The following LARGE2 variants were observed in gnomAD, a reference collection of about 807,000 sequenced individuals.
LARGE2 encodes LARGE xylosyl- and glucuronyltransferase 2.
LARGE2 carries 63 observed loss-of-function variants against 75.3 expected under a neutral mutation model. The observed-to-expected ratio is 0.84, with a 90% CI of 0.68 to 1.03. The LOEUF (loss-of-function observed/expected upper bound fraction) is 1.03, where lower values mean the gene tolerates loss of function less well. Among genes scored for constraint, LARGE2 ranks in the 50% least tolerant of loss-of-function variants. The pLI is 0.00. For missense variants in LARGE2, 925 were observed against 980.6 expected, an observed-to-expected ratio of 0.94 and a Z score of 0.76; for synonymous variants, 428 against 420.1, an observed-to-expected ratio of 1.02 and a Z score of -0.23.
At position 45,926,323 on chromosome 11, in the gene LARGE2, C is replaced by T; in HGVS notation, c.984C>T (p.Cys328=). Reference sequence around the variant, plus strand: ...CAGATCACACACTGGCCGAGCGCTGCTACTCTGAGGCGTCTGACCTCAAGG... The same window carrying T: ...CAGATCACACACTGGCCGAGCGCTGTTACTCTGAGGCGTCTGACCTCAAGG... The part of the protein sequence containing the change: ...QLSDHTLAER[C]YSEASDLKVI... Residue 328 remains cysteine (C), a synonymous_variant, in exon 8 of 14, where the codon TGC becomes TGT. Coordinates refer to ENST00000401752, the MANE Select transcript of LARGE2 (RefSeq NM_001300721.2). 2 of 1,614,208 alleles carry T rather than the reference C, an allele frequency of 1.2e-6. No individual in the cohort carries two copies. The highest frequency in any genetic ancestry group is 8.5e-7 in the Non-Finnish European group (1 of 1,180,034).
chr11:45,923,029 C>T lies in LARGE2; in HGVS notation c.147C>T (p.Pro49=). The T allele has an allele frequency of 2.1e-6, 3 of 1,396,592 alleles. No homozygotes were observed. Among genetic ancestry groups the T allele is most frequent in the South Asian group, 1.6e-5 (1 of 64,490 alleles). 86.5% of individuals were successfully genotyped at this position (1,396,592 alleles called of 1,614,324 possible). Residue 49 remains proline (P), a synonymous_variant, in exon 2 of 14, where the codon CCC becomes CCT. Coordinates refer to ENST00000401752, the MANE Select transcript of LARGE2 (RefSeq NM_001300721.2). ...GAGCGGGGGCCCCGGGATGCTTCCC[C>T]GGCCCGCTCATGCCACGTGTCCCCC... ...GGRAGAPGCF[P]GPLMPRVPPD... is the part of the protein sequence containing the mutation.
upstream of LARGE2, chr11:45,922,636 C>T (rs2086957302): frequency 2.0e-5 from 6 of 296,242 alleles, no homozygotes; most frequent in Admixed American, 1.4e-4. Flanking sequence ...GAGCCCAGGT[C>T]GGGGGCGGGA....
rs764578079 is a variant in LARGE2, at chr11:45,928,026, G to C, written c.1711G>C (p.Glu571Gln). Reference protein sequence around the residue: ...YRFSFPHSKVELLALLDAGTL... With the variant: ...YRFSFPHSKVQLLALLDAGTL... The stretch of plus-strand genomic sequence containing the variant: ...CTTCAGCTTCCCCCATTCCAAGGTG[G>C]AGCTGTTGGCCTTGCTGGATGCGGG... Residue 571 changes from glutamate to glutamine, a missense_variant, in exon 12 of 14, where the codon GAG (glutamate) becomes CAG (glutamine). Glu to Gln is a conservative substitution (Grantham distance 29, BLOSUM62 2). Transcript: ENST00000401752. 63 of 1,613,846 alleles carry C rather than the reference G, an allele frequency of 3.9e-5. No homozygotes were observed. The South Asian group carries it at 6.9e-4, about 18-fold the overall frequency.
rs1279565063 is a variant in LARGE2 at position 45,924,799 on chromosome 11, G to A, written c.679G>A (p.Gly227Ser). 2.0e-6 allele frequency: 3 copies of A among 1,508,408 alleles called. No homozygotes were observed. The highest frequency in any genetic ancestry group is 1.8e-6 in the Non-Finnish European group (2 of 1,125,930). The allele number at this position is 1,508,408 out of a possible 1,614,324, so 93.4% of individuals were successfully genotyped here. ...FAHFSDTQAI[G>S]LVENQSDWYL... is the part of the protein sequence containing the mutation. ...TCCCCTCCCAGACACGCAGGCGATC[G>A]GTCTTGTGGAGAACCAGAGTGACTG... Residue 227 changes from glycine (G) to serine (S), a missense_variant, in exon 6 of 14, where the codon GGT becomes AGT. By Grantham distance (56) the Gly-to-Ser change is moderately conservative (BLOSUM62 0). Coordinates refer to ENST00000401752, the MANE Select transcript of LARGE2 (RefSeq NM_001300721.2).
In LARGE2 at chr11:45,928,826, A is replaced by G; in HGVS notation, c.2147A>G (p.Gln716Arg). Residue 716 changes from glutamine (Q) to arginine (R), a missense_variant, in exon 14 of 14, where the codon CAG becomes CGG. Around this residue, in one of 3 missense-constraint regions of LARGE2, gnomAD observed 469 missense variants for 503.8 expected, o/e 0.93. Transcript: ENST00000401752. ...LKYLPALQQP[Q>R]SPARG Reference sequence around the variant, plus strand: ...TACCTCCCAGCCCTGCAGCAGCCCCAGAGCCCTGCCCGAGGCTGAGGCTGG... The same window carrying G: ...TACCTCCCAGCCCTGCAGCAGCCCCGGAGCCCTGCCCGAGGCTGAGGCTGG... 6.2e-7 allele frequency: 1 copy of G among 1,613,290 alleles called. No homozygotes were observed. The highest frequency in any genetic ancestry group is 8.5e-7 in the Non-Finnish European group (1 of 1,179,908).
Position 45,922,974 on chromosome 11 carries a change from T to C in LARGE2, c.92T>C (p.Leu31Pro). 2 of 1,322,668 alleles carry C rather than the reference T, an allele frequency of 1.5e-6. No homozygotes were observed. The highest frequency in any genetic ancestry group is 1.9e-6 in the Non-Finnish European group (2 of 1,042,428). The allele number at this position is 1,322,668 out of a possible 1,614,324, so 81.9% of individuals were successfully genotyped here. ...LLGFLLFGGD[L>P]GCERREPGGR... Reference sequence around the variant, plus strand: ...GGATTCCTCCTGTTCGGTGGGGACCTGGGGTGTGAGCGCCGCGAGCCTGGC... The same window carrying C: ...GGATTCCTCCTGTTCGGTGGGGACCCGGGGTGTGAGCGCCGCGAGCCTGGC... The change falls in exon 2 of 14, where the codon CTG becomes CCG. Residue 31 changes from leucine (L) to proline (P), a missense_variant. Physicochemically the swap from Leu to Pro is moderately conservative, Grantham distance 98. Coordinates refer to ENST00000401752, the MANE Select transcript of LARGE2 (RefSeq NM_001300721.2).
intron 11 of LARGE2, 111 bp from the exon 12 acceptor site, chr11:45,927,809 G>C: frequency 6.5e-7 from 1 of 1,545,968 alleles, no homozygotes; most frequent in Non-Finnish European, 8.9e-7. Context: ...CGTCGCATCA[G>C]GCAAGATGGC....
At chr11:45,927,169 A>G (rs2087189622) in intron 10 of LARGE2, 146 bp from the exon 11 acceptor site, 13 of 939,516 alleles carry the variant, frequency 1.4e-5, no homozygotes, top group Non-Finnish European at 2.0e-5. Context: ...TGAAGATTCA[A>G]TCAGACTGGC....
rs751548349 is a variant in LARGE2, at chr11:45,928,257, G to T, written c.1835G>T (p.Trp612Leu). The change falls in exon 13 of 14, where the codon TGG (tryptophan) becomes TTG (leucine). Residue 612 changes from tryptophan to leucine, a missense_variant. By Grantham distance (61) the Trp-to-Leu change is moderately conservative. Transcript: ENST00000401752. ...GCTCAGGCCCCGTACCGTGTGCAAT[G>T]GGCGGCCAACTATGAACCCTACGTG... ...REAQAPYRVQ[W>L]AANYEPYVVV... The T allele has an allele frequency of 3.1e-6, 5 of 1,614,052 alleles. No individual in the cohort carries two copies. The South Asian group carries it at 5.5e-5, about 18-fold the overall frequency.
rs371204151 is a variant in LARGE2, at chr11:45,928,640, T to C, written c.1961T>C (p.Leu654Pro). The change falls in exon 14 of 14, where the codon CTC becomes CCC. Residue 654 changes from leucine to proline, a missense_variant. Leu to Pro is a moderately conservative substitution (Grantham distance 98). Transcript: ENST00000401752. ...IVELDAQEYELLVLPEAFTIH... is the reference protein window; with the variant it reads ...IVELDAQEYEPLVLPEAFTIH... ...TGCCCCACCCTGCAGGAATATGAGCTCCTGGTGCTGCCCGAGGCCTTCACC... is the reference window on the plus strand; with the variant it reads ...TGCCCCACCCTGCAGGAATATGAGCCCCTGGTGCTGCCCGAGGCCTTCACC... 5.6e-6 allele frequency: 9 copies of C among 1,613,590 alleles called. No homozygotes were observed. Among genetic ancestry groups the C allele is most frequent in the African/African-American group, 2.7e-5 (2 of 74,908 alleles).
Position 45,927,486 on chromosome 11 carries a change from C to A in LARGE2, c.1497C>A (p.Tyr499Ter), listed in dbSNP as rs376720948. 2 of 1,614,218 alleles carry A rather than the reference C, an allele frequency of 1.2e-6. No homozygotes were observed. The part of the protein sequence containing the change: ...YHVVYREGPL[Y>*]PVNQLRNVAL... ...TGGTGTACCGTGAGGGGCCCCTATA[C>A]CCCGTCAACCAGCTTCGCAACGTGG... The change falls in exon 11 of 14, where the codon TAC becomes TAA. Residue 499 changes from tyrosine to a stop codon, truncating the protein, a stop_gained. Coordinates refer to ENST00000401752, the MANE Select transcript of LARGE2 (RefSeq NM_001300721.2). LOFTEE classifies it high-confidence loss of function.
intron 2 of LARGE2, 61 bp from the exon 3 acceptor site, chr11:45,923,397 GTGGGGCAGCTCAACA>G: frequency 7.0e-7 from 1 of 1,424,372 alleles, no homozygotes; most frequent in Non-Finnish European, 9.8e-7. Context: ...CTGCTGCGGG[GTGGGGCAGCTCAACA>G]TGGGTCCTCA....
At chr11:45,926,893 CAGGGGGT>C in intron 10 of LARGE2, 22 bp downstream of exon 10, 1 of 1,593,876 alleles carries the variant, frequency 6.3e-7, no homozygotes. Flanking sequence ...GAGGGCAGCC[CAGGGGGT>C]ATGGCATGGG....
rs778688625 is a variant in LARGE2, at chr11:45,926,709, A to G, written c.1165-2A>G. On this transcript the variant is annotated splice_acceptor_variant, in intron 9 of 13. Transcript: ENST00000401752. LOFTEE classifies it high-confidence loss of function. ...GGTCCTTGTCACCCCTTGCCCCCTCAGTTGCAGCAGGCCCTGGCACAACTG... is the reference window on the plus strand; with the variant it reads ...GGTCCTTGTCACCCCTTGCCCCCTCGGTTGCAGCAGGCCCTGGCACAACTG... 1 of 1,612,824 alleles carries G rather than the reference A, an allele frequency of 6.2e-7. No individual in the cohort carries two copies. Among genetic ancestry groups the G allele is most frequent in the Admixed American group, 1.7e-5 (1 of 59,978 alleles).
In LARGE2 at chr11:45,923,180, G is replaced by C; in HGVS notation, c.285+13G>C. 7.5e-7 allele frequency: 1 copy of C among 1,326,184 alleles called. No homozygotes were observed. The highest frequency in any genetic ancestry group is 9.6e-7 in the Non-Finnish European group (1 of 1,046,526). The allele number at this position is 1,326,184 out of a possible 1,614,324, so 82.2% of individuals were successfully genotyped here. On this transcript the variant is annotated intron_variant, in intron 2 of 13. Coordinates refer to ENST00000401752, the MANE Select transcript of LARGE2 (RefSeq NM_001300721.2). ...GCCCAAGTGCGAGGTAGGTGCGCGC[G>C]GCCCTGGCGGCGGGAGTCCTGGGGG...
chr11:45,926,287 T>C lies in LARGE2; in HGVS notation c.948T>C (p.Asn316=). The C allele has an allele frequency of 6.2e-7, 1 of 1,614,194 alleles. No individual in the cohort carries two copies. Among genetic ancestry groups the C allele is most frequent in the Non-Finnish European group, 8.5e-7 (1 of 1,180,028 alleles). The change falls in exon 8 of 14, where the codon AAT becomes AAC. Residue 316 remains asparagine, a synonymous_variant. Coordinates refer to ENST00000401752, the MANE Select transcript of LARGE2 (RefSeq NM_001300721.2). ...GLVQRLPCVW[N]VQLSDHTLAE... ...TGCAGCGTCTGCCTTGTGTCTGGAA[T>C]GTGCAGCTGTCAGATCACACACTGG...
rs77966085 is a variant in LARGE2 at position 45,927,776 on chromosome 11, C to T, written c.1605-144C>T. On this transcript the variant is annotated intron_variant, in intron 11 of 13. Coordinates refer to ENST00000401752, the MANE Select transcript of LARGE2 (RefSeq NM_001300721.2). ...AGGCCAGGGCCGGCTTCAACAGCAGCTCCACCTGTGGTTGTGCCCACCCGT... is the reference window on the plus strand; with the variant it reads ...AGGCCAGGGCCGGCTTCAACAGCAGTTCCACCTGTGGTTGTGCCCACCCGT... The T allele has an allele frequency of 1.8e-3, 2,634 of 1,435,692 alleles. 6 individuals carry two copies. The highest frequency in any genetic ancestry group is 2.3e-3 in the Non-Finnish European group (2,373 of 1,037,274). The allele number at this position is 1,435,692 out of a possible 1,614,324, so 88.9% of individuals were successfully genotyped here. A position where few individuals can be genotyped will look rare whatever the true frequency, so the allele number is the denominator to read the frequency against.
At chr11:45,928,145 C>T (rs1398422784) in intron 12 of LARGE2, 32 bp from the exon 13 acceptor site, 1 of 1,612,982 alleles carries the variant, frequency 6.2e-7, no homozygotes, top group African/African-American at 1.3e-5. Flanking sequence ...CTCCTAGCCT[C>T]AGCCTGGCTC....
chr11:45,921,659 C>T (rs2086925497), upstream of LARGE2: 1 of 152,204 alleles, frequency 6.6e-6, no homozygotes, highest in Non-Finnish European at 1.5e-5. Context: ...GCTAGCCAGC[C>T]CTGGGAGGCT....
Sources: allele counts gnomAD v4.1 joint callset, GRCh38; gene constraint gnomAD v4.1.1; regional missense constraint gnomAD v4.1.1; transcripts MANE v1.5; gene names NCBI Gene and HGNC (gene_info 2026-07-23, HGNC 2026-07-21).